Variants in ASXL2 observed in about 807,000 individuals in gnomAD.
ASXL2 encodes the protein ASXL transcriptional regulator 2.
ASXL2 carries 23 observed loss-of-function variants against 122.0 expected under a neutral mutation model. The ratio of observed to expected loss-of-function variants is 0.19; its 90% CI spans 0.14 to 0.27. The LOEUF (loss-of-function observed/expected upper bound fraction) is 0.27, where lower values mean the gene tolerates loss of function less well. Ranked by LOEUF, ASXL2 falls within the 10% of genes least tolerant of loss-of-function variation. The probability of loss-of-function intolerance (pLI) is 1.00; values close to 1 mark genes in which losing one functional copy is unlikely to be tolerated. For missense variants in ASXL2, 1,518 were observed against 1,713.8 expected, an observed-to-expected ratio of 0.89 and a Z score of 2.02; for synonymous variants, 650 against 637.0, an observed-to-expected ratio of 1.02 and a Z score of -0.31.
At chr2:25,834,462 T>G (rs2089486285) in intron 3 of ASXL2, among the ~76,000 whole-genome samples, 1 of 152,252 alleles carries the variant, frequency 6.6e-6, no homozygotes, top group Admixed American at 6.5e-5. Context: ...ATTTTAACTT[T>G]GTAAGACCTT....
intron 1 of ASXL2, among the ~76,000 whole-genome samples, chr2:25,865,723 C>T (rs1450516281): frequency 7.5e-6 from 1 of 133,228 alleles, no homozygotes. Flanking sequence ...TGCAGTGAGC[C>T]GAGATCGCGC....
chr2:25,756,465 G>GA (rs71399321), intron 9 of ASXL2, among the ~76,000 whole-genome samples: 65 of 91,432 alleles, frequency 7.1e-4, no homozygotes, highest in Middle Eastern at 6.3e-3. Context: ...AAAAAAAAAA[G>GA]AAAAAAAAAA....
chr2:25,823,809 A>G (rs951306892), intron 3 of ASXL2, among the ~76,000 whole-genome samples: 1 of 151,576 alleles, frequency 6.6e-6, no homozygotes, highest in African/African-American at 2.4e-5. Flanking sequence ...TGATGTCCAC[A>G]TTCTTTCTAA....
At chr2:25,750,703 T>C (rs2088029400) in intron 11 of ASXL2, among the ~76,000 whole-genome samples, 1 of 152,234 alleles carries the variant, frequency 6.6e-6, no homozygotes, top group African/African-American at 2.4e-5. Flanking sequence ...AGTGTTGCTA[T>C]GATAATTAAG....
chr2:25,826,762 TAAAAA>T (rs55765302), intron 3 of ASXL2, among the ~76,000 whole-genome samples: 24 of 68,088 alleles, frequency 3.5e-4, no homozygotes, highest in Admixed American at 8.8e-4. Context: ...ACTTTCAAGG[TAAAAA>T]AAAAAAAAAA....
In ASXL2 at chr2:25,736,376, T is replaced by C. The variant is rs1409352110; in HGVS notation, c.*5653A>G. On this transcript the variant is annotated 3_prime_UTR_variant, in exon 13 of 13. Transcript: ENST00000435504. Reference sequence around the variant, plus strand: ...AATAATGATAAATATGTACCAGAAATGGGGAGTCAATCTTTGTAAATGGTC... The same window carrying C: ...AATAATGATAAATATGTACCAGAAACGGGGAGTCAATCTTTGTAAATGGTC... The C allele has an allele frequency of 6.6e-6, 1 of 152,176 alleles. No individual in the cohort carries two copies. The highest frequency in any genetic ancestry group is 1.5e-5 in the Non-Finnish European group (1 of 68,020). The allele number at this position is 152,176 out of a possible 1,614,324, so 9.4% of individuals were successfully genotyped here. A position where few individuals can be genotyped will look rare whatever the true frequency, so the allele number is the denominator to read the frequency against.
intron 1 of ASXL2, among the ~76,000 whole-genome samples, chr2:25,866,384 C>T (rs1022086353): frequency 7.2e-5 from 11 of 152,098 alleles, no homozygotes; most frequent in African/African-American, 1.4e-4. Flanking sequence ...CCGCCTTGGC[C>T]TCCAAAGTGC....
At chr2:25,821,267 G>A (rs2089306912) in intron 3 of ASXL2, among the ~76,000 whole-genome samples, 1 of 152,050 alleles carries the variant, frequency 6.6e-6, no homozygotes, top group African/African-American at 2.4e-5. Flanking sequence ...TGAGATGAGA[G>A]GATCCCTTGT....
In ASXL2 at chr2:25,743,594, G is replaced by A. The variant is rs201545861; in HGVS notation, c.2743C>T (p.Pro915Ser). 3.0e-5 allele frequency: 49 copies of A among 1,614,036 alleles called. No individual in the cohort carries two copies. The highest frequency in any genetic ancestry group is 2.3e-4 in the Admixed American group (14 of 60,030). ...SATTAPAGSA[P>S]PSSTLPAASS... ...GCTGCTGGCAAAGTGCTCGAGGGTGGAGCTGATCCAGCAGGTGCTGTAGTT... is the reference window on the plus strand; with the variant it reads ...GCTGCTGGCAAAGTGCTCGAGGGTGAAGCTGATCCAGCAGGTGCTGTAGTT... Residue 915 changes from proline to serine, a missense_variant, in exon 13 of 13, where the codon CCA (proline) becomes TCA (serine). Coordinates refer to ENST00000435504, the MANE Select transcript of ASXL2 (RefSeq NM_018263.6).
At chr2:25,802,364 C>A (rs745385872) in intron 4 of ASXL2, among the ~76,000 whole-genome samples, 3 of 152,170 alleles carry the variant, frequency 2.0e-5, no homozygotes, top group Non-Finnish European at 2.9e-5. Flanking sequence ...TAGTGTCCAG[C>A]ACAGAGGTAA....
At chr2:25,821,135 C>T (rs745906783) in intron 3 of ASXL2, among the ~76,000 whole-genome samples, 2 of 151,994 alleles carry the variant, frequency 1.3e-5, no homozygotes, top group Admixed American at 6.5e-5. Flanking sequence ...GCCAAGATCG[C>T]GCCACTGCAC....
At chr2:25,785,259 T>C (rs778361363) in intron 5 of ASXL2, among the ~76,000 whole-genome samples, 4 of 152,216 alleles carry the variant, frequency 2.6e-5, no homozygotes, top group Non-Finnish European at 5.9e-5. Flanking sequence ...AGAGTCTCGC[T>C]CTGTCTCCCT....
chr2:25,856,465 T>G (rs1574450709), intron 1 of ASXL2: 1 of 1,003,842 alleles, frequency 1.0e-6, no homozygotes, highest in Admixed American at 1.8e-5. Context: ...AGCTTCTCAC[T>G]TGGCCTTCGG....
intron 1 of ASXL2, among the ~76,000 whole-genome samples, chr2:25,858,852 T>C (rs1231973737): frequency 1.3e-5 from 2 of 150,626 alleles, no homozygotes; most frequent in African/African-American, 2.4e-5. Flanking sequence ...CGCTCTTTAT[T>C]GCCCAGGCTG....
intron 9 of ASXL2, 146 bp downstream of exon 9, chr2:25,759,336 A>AT (rs1055324500): frequency 1.3e-3 from 948 of 735,698 alleles, no homozygotes; most frequent in Middle Eastern, 1.7e-3. Context: ...TGGTAGGAGA[A>AT]TTTTTTTTTC....
intron 8 of ASXL2, among the ~76,000 whole-genome samples, chr2:25,760,620 C>T (rs2088225463): frequency 1.3e-5 from 2 of 152,186 alleles, no homozygotes; most frequent in South Asian, 4.1e-4. Flanking sequence ...CAAAGCTATA[C>T]AATCTTTGAT....
chr2:25,777,057 A>C (rs2088557792), intron 5 of ASXL2, among the ~76,000 whole-genome samples: 1 of 152,204 alleles, frequency 6.6e-6, no homozygotes, highest in Non-Finnish European at 1.5e-5. Context: ...GTACTGCTCT[A>C]TGAAACTTAA....
chr2:25,789,222 C>T (rs2088793810), intron 5 of ASXL2, among the ~76,000 whole-genome samples: 1 of 151,616 alleles, frequency 6.6e-6, no homozygotes, highest in East Asian at 1.9e-4. Context: ...TTCTGAGCTC[C>T]CTTCTGGTCA....
At position 25,804,808 on chromosome 2, in the gene ASXL2, G is replaced by C. The variant is rs891378703; in HGVS notation, c.252+1421C>G. On this transcript the variant is annotated intron_variant, in intron 4 of 12. Transcript: ENST00000435504. ...CTCACGCCTGTAATCCCAGCACTTT[G>C]GGAGGCCGAGGAGGGTGGATTACCT... Among the ~76,000 whole-genome samples the C allele has an allele frequency of 6.6e-5, 10 of 152,280 alleles. No homozygotes were observed. In the East Asian group the frequency reaches 1.9e-3, roughly 29 times the overall value.
Sources: allele counts gnomAD v4.1 joint callset (sites outside exome capture counted in the v4.1 genomes callset), GRCh38; gene constraint gnomAD v4.1.1; transcripts MANE v1.5; gene names NCBI Gene and HGNC (gene_info 2026-07-23, HGNC 2026-07-21).